Variants in TRAP1 observed in about 807,000 individuals in gnomAD.
The protein encoded by TRAP1 is heat shock protein 75 kDa, mitochondrial.
Under a neutral mutation model 89.1 loss-of-function variants are expected in TRAP1, and 102 were observed. The observed-to-expected ratio is 1.15, with a 90% CI of 0.98 to 1.35. The LOEUF (loss-of-function observed/expected upper bound fraction) is 1.35. Among genes scored for constraint, TRAP1 ranks in the 40% most tolerant of loss-of-function variants. The pLI is 0.00. For synonymous variants in TRAP1, 508 were observed against 388.0 expected, an observed-to-expected ratio of 1.31 and a Z score of -3.64; for missense variants, 1,256 against 945.3, an observed-to-expected ratio of 1.33 and a Z score of -4.31.
Position 3,696,733 on chromosome 16 carries a change from T to C in TRAP1, c.89-5748A>G, listed in dbSNP as rs1278709785. Among the ~76,000 whole-genome samples the C allele has an allele frequency of 2.6e-5, 4 of 151,642 alleles. No homozygotes were observed. In the East Asian group the frequency reaches 7.7e-4, roughly 29 times the overall value. On this transcript the variant is annotated intron_variant, in intron 1 of 17. Coordinates refer to ENST00000246957, the MANE Select transcript of TRAP1 (RefSeq NM_016292.3). ...TTACCACTCCTAGCTAATTTTTTTT[T>C]TCTTTTTTTTTTTGACTGGGTCTCA...
At chr16:3,673,766 C>A (rs1249032390) in intron 9 of TRAP1, among the ~76,000 whole-genome samples, 1 of 152,122 alleles carries the variant, frequency 6.6e-6, no homozygotes, top group Non-Finnish European at 1.5e-5. Context: ...GGCTCTCAGC[C>A]CCGAATAGGT....
intron 1 of TRAP1, among the ~76,000 whole-genome samples, chr16:3,715,795 A>G (rs2051590709): frequency 6.6e-6 from 1 of 152,154 alleles, no homozygotes; most frequent in Non-Finnish European, 1.5e-5. Flanking sequence ...AGACAAAAAA[A>G]TAAATAAATA....
At chr16:3,694,733 C>T (rs2051263442) in intron 1 of TRAP1, among the ~76,000 whole-genome samples, 1 of 152,164 alleles carries the variant, frequency 6.6e-6, no homozygotes, top group East Asian at 1.9e-4. Context: ...CCACTTTGGC[C>T]TCTTAAAGCA....
At position 3,665,978 on chromosome 16, in the gene TRAP1, T is replaced by C. The variant is rs1435534595; in HGVS notation, c.1376A>G (p.Glu459Gly). The C allele has an allele frequency of 5.0e-6, 8 of 1,613,254 alleles. No individual in the cohort carries two copies. The highest frequency in any genetic ancestry group is 6.8e-6 in the Non-Finnish European group (8 of 1,179,730). The change falls in exon 12 of 18, where the codon GAG becomes GGG. Residue 459 changes from glutamate to glycine, a missense_variant. Transcript: ENST00000246957. ...GGAACACAGCTCCTATACCTTGACC[T>C]CCTGCTCGGTGGCGGTCACAATGCC... The part of the protein sequence containing the change: ...REGIVTATEQ[E>G]VKEDIAKLLR...
chr16:3,698,287 G>C (rs1221569407), intron 1 of TRAP1, among the ~76,000 whole-genome samples: 1 of 150,812 alleles, frequency 6.6e-6, no homozygotes. Flanking sequence ...AAGCAGATTT[G>C]ATTTCAGGTT....
At chr16:3,695,557 GA>G (rs1169550938) in intron 1 of TRAP1, among the ~76,000 whole-genome samples, 19 of 145,146 alleles carry the variant, frequency 1.3e-4, no homozygotes, top group African/African-American at 4.9e-4. Flanking sequence ...AAAAAGAAAA[GA>G]AAAAGAAAAA....
Position 3,661,968 on chromosome 16 carries a change from G to A in TRAP1, c.1940+19C>T, listed in dbSNP as rs1179243266. ...CTGGGGAATCCCACAGGCTGGAAGA[G>A]CCAGGAGCGTGGCCTCACCTGGGGT... On this transcript the variant is annotated intron_variant, in intron 16 of 17. Coordinates refer to ENST00000246957, the MANE Select transcript of TRAP1 (RefSeq NM_016292.3). The A allele has an allele frequency of 6.3e-7, 1 of 1,587,084 alleles. No individual in the cohort carries two copies.
At chr16:3,716,982 C>G (rs1208603361) in intron 1 of TRAP1, among the ~76,000 whole-genome samples, 4 of 152,364 alleles carry the variant, frequency 2.6e-5, no homozygotes, top group Non-Finnish European at 5.9e-5. Flanking sequence ...CAGTGCGCTA[C>G]TGGGAGGCGG....
chr16:3,662,144 G>C lies in TRAP1; in HGVS notation c.1795-12C>G. ...AGTCGGAGGGTCACCTGTGAGCAAAGCCCGGGGTTGAGGGTGATAGAGGTT... is the reference window on the plus strand; with the variant it reads ...AGTCGGAGGGTCACCTGTGAGCAAACCCCGGGGTTGAGGGTGATAGAGGTT... On this transcript the variant is annotated splice_polypyrimidine_tract_variant and intron_variant, in intron 15 of 17. Coordinates refer to ENST00000246957, the MANE Select transcript of TRAP1 (RefSeq NM_016292.3). The C allele has an allele frequency of 6.2e-7, 1 of 1,608,204 alleles. No homozygotes were observed. Among genetic ancestry groups the C allele is most frequent in the Middle Eastern group, 1.7e-4 (1 of 5,954 alleles).
intron 11 of TRAP1, among the ~76,000 whole-genome samples, chr16:3,671,136 T>C (rs1207571268): frequency 6.6e-6 from 1 of 151,930 alleles, no homozygotes; most frequent in Non-Finnish European, 1.5e-5. Flanking sequence ...GGCTCCAAAT[T>C]CCAGCTGAAT....
chr16:3,667,493 T>C (rs1355206957), intron 11 of TRAP1, among the ~76,000 whole-genome samples: 1 of 151,450 alleles, frequency 6.6e-6, no homozygotes, highest in African/African-American at 2.4e-5. Flanking sequence ...GGCATGGTGG[T>C]GGGTGACTGT....
intron 1 of TRAP1, among the ~76,000 whole-genome samples, chr16:3,694,076 C>T (rs890913156): frequency 7.2e-5 from 11 of 151,900 alleles, no homozygotes; most frequent in African/African-American, 2.2e-4. Flanking sequence ...GAGTCCATCC[C>T]GCACCTCTCC....
intron 1 of TRAP1, among the ~76,000 whole-genome samples, chr16:3,716,119 C>T (rs1305576378): frequency 6.6e-6 from 1 of 152,176 alleles, no homozygotes; most frequent in Non-Finnish European, 1.5e-5. Context: ...TCCCAAAGTG[C>T]TAGGATTACA....
chr16:3,664,302 T>G lies in TRAP1; in HGVS notation c.1541A>C (p.Tyr514Ser), dbSNP rs772068892. 2.5e-6 allele frequency: 4 copies of G among 1,606,160 alleles called. No homozygotes were observed. In the South Asian group the frequency reaches 3.3e-5, roughly 13 times the overall value. The change falls in exon 13 of 18, where the codon TAT (tyrosine) becomes TCT (serine). Residue 514 changes from tyrosine (Y) to serine (S), a missense_variant. By Grantham distance (144) the Tyr-to-Ser change is moderately radical. Transcript: ENST00000246957. The part of the protein sequence containing the change: ...NRHLAEHSPY[Y>S]EAMKKKDTEV... ...TGTGTCTTTCTTCTTCATGGCCTCA[T>G]AGTAGGGTGAGTGCTCTGCCAGGTG... is the stretch of plus-strand genomic sequence containing the variant.
chr16:3,691,062 G>C, intron 1 of TRAP1, 77 bp from the exon 2 acceptor site: 1 of 1,340,826 alleles, frequency 7.5e-7, no homozygotes, highest in South Asian at 1.8e-5. Flanking sequence ...CCCATCAAGG[G>C]TGTCTAGCAG....
chr16:3,711,182 T>A (rs2051526936), intron 1 of TRAP1, among the ~76,000 whole-genome samples: 1 of 152,070 alleles, frequency 6.6e-6, no homozygotes, highest in African/African-American at 2.4e-5. Flanking sequence ...GGCCAATTTT[T>A]TACCTTCTAG....
chr16:3,709,239 A>G (rs1280348891), intron 1 of TRAP1, among the ~76,000 whole-genome samples: 2 of 151,746 alleles, frequency 1.3e-5, no homozygotes, highest in Non-Finnish European at 2.9e-5. Flanking sequence ...AAAAAAAAAA[A>G]AAAAAAAAGA....
chr16:3,701,709 G>A (rs961565841), intron 1 of TRAP1, among the ~76,000 whole-genome samples: 5 of 152,120 alleles, frequency 3.3e-5, no homozygotes, highest in African/African-American at 1.2e-4. Context: ...ACAGAACACA[G>A]AGAAGGGTGC....
chr16:3,696,735 C>CT (rs112049919), intron 1 of TRAP1, among the ~76,000 whole-genome samples: 2,352 of 145,114 alleles, frequency 0.016, 69 homozygotes, highest in African/African-American at 0.056. Context: ...TTTTTTTTTT[C>CT]TTTTTTTTTT....
Sources: allele counts gnomAD v4.1 joint callset (sites outside exome capture counted in the v4.1 genomes callset), GRCh38; gene constraint gnomAD v4.1.1; transcripts MANE v1.5; gene names NCBI Gene and HGNC (gene_info 2026-07-23, HGNC 2026-07-21).